The following NTM variants were observed in gnomAD, a reference collection of about 807,000 sequenced individuals.
The protein encoded by NTM is IgLON family member 2.
A neutral mutation model predicts 42.1 loss-of-function variants in NTM; 13 were observed. The ratio of observed to expected loss-of-function variants is 0.31; its 90% CI spans 0.20 to 0.49. The LOEUF (loss-of-function observed/expected upper bound fraction) is 0.49, where lower values mean the gene tolerates loss of function less well. Among genes scored for constraint, NTM ranks in the 20% least tolerant of loss-of-function variants. The pLI is 0.99. For synonymous variants in NTM, 187 were observed against 179.2 expected (o/e 1.04, Z -0.35); for missense variants, 373 against 452.8 (o/e 0.82, Z 1.60).
At chr11:131,866,091 A>G (rs992927016) in intron 1 of NTM, among the ~76,000 whole-genome samples, 7 of 148,122 alleles carry the variant, frequency 4.7e-5, no homozygotes, top group African/African-American at 1.7e-4. Flanking sequence ...CACATGCTAC[A>G]TGCACACACA....
At chr11:131,868,060 T>A (rs2047403160) in intron 1 of NTM, among the ~76,000 whole-genome samples, 1 of 152,144 alleles carries the variant, frequency 6.6e-6, no homozygotes, top group African/African-American at 2.4e-5. Context: ...GAATTGCAGG[T>A]GGAAACTAAA....
chr11:131,801,908 C>T (rs1277272623), intron 1 of NTM, among the ~76,000 whole-genome samples: 1 of 152,164 alleles, frequency 6.6e-6, no homozygotes, highest in Non-Finnish European at 1.5e-5. Flanking sequence ...GCCACCCACA[C>T]AGACCTGGTT....
intron 1 of NTM, among the ~76,000 whole-genome samples, chr11:131,804,544 T>C (rs1172232874): frequency 9.9e-5 from 15 of 152,146 alleles, no homozygotes; most frequent in Admixed American, 9.8e-4. Context: ...CAGCGTTCCT[T>C]TTCCCATCCC....
At chr11:131,396,895 C>A (rs914668614) in intron 1 of NTM, among the ~76,000 whole-genome samples, 50 of 151,988 alleles carry the variant, frequency 3.3e-4, no homozygotes, top group African/African-American at 1.1e-3. Context: ...AGCTGTGCAA[C>A]TCTGGGAAGC....
chr11:131,942,716 T>C (rs775649129), intron 2 of NTM, among the ~76,000 whole-genome samples: 2 of 151,720 alleles, frequency 1.3e-5, no homozygotes, highest in Non-Finnish European at 2.9e-5. Flanking sequence ...GAGGCCGAGG[T>C]GGATGGATCG....
At chr11:131,991,427 A>G (rs964360922) in intron 2 of NTM, among the ~76,000 whole-genome samples, 1 of 152,120 alleles carries the variant, frequency 6.6e-6, no homozygotes, top group Non-Finnish European at 1.5e-5. Context: ...TGATTAAATG[A>G]TTACTTTAGT....
At chr11:132,225,296 C>T (rs1459817120) in intron 4 of NTM, among the ~76,000 whole-genome samples, 6 of 149,830 alleles carry the variant, frequency 4.0e-5, no homozygotes, top group Non-Finnish European at 8.8e-5. Flanking sequence ...AGAGGTAGTG[C>T]CATGGAGAAA....
intron 4 of NTM, among the ~76,000 whole-genome samples, chr11:132,244,850 G>A (rs923966040): frequency 1.3e-5 from 2 of 152,160 alleles, no homozygotes; most frequent in Non-Finnish European, 1.5e-5. Context: ...CTAATGGGGC[G>A]GAGCTAGCTG....
chr11:131,820,346 G>A (rs914033462), intron 1 of NTM, among the ~76,000 whole-genome samples: 5 of 152,150 alleles, frequency 3.3e-5, no homozygotes, highest in African/African-American at 1.2e-4. Context: ...TTCTGGGTAG[G>A]CCTGCTCCAT....
At chr11:131,412,747 A>T (rs1364527431) in intron 1 of NTM, among the ~76,000 whole-genome samples, 1 of 152,308 alleles carries the variant, frequency 6.6e-6, no homozygotes, top group Admixed American at 6.5e-5. Context: ...AGTGGTTTTT[A>T]AAAAATAATA....
intron 1 of NTM, among the ~76,000 whole-genome samples, chr11:131,738,555 A>G (rs2080783433): frequency 6.6e-6 from 1 of 152,212 alleles, no homozygotes; most frequent in Non-Finnish European, 1.5e-5. Flanking sequence ...CAATATTGTG[A>G]GTTCTAGAGG....
At chr11:131,839,835 G>A (rs1179105308) in intron 1 of NTM, among the ~76,000 whole-genome samples, 2 of 152,232 alleles carry the variant, frequency 1.3e-5, no homozygotes, top group Non-Finnish European at 2.9e-5. Flanking sequence ...CCCAGGCCAG[G>A]GTGGTAGCAG....
chr11:132,290,798 C>A (rs1175819493), intron 4 of NTM, among the ~76,000 whole-genome samples: 1 of 152,098 alleles, frequency 6.6e-6, no homozygotes, highest in Non-Finnish European at 1.5e-5. Context: ...GGGGTGCTAT[C>A]CCAGGGGATG....
intron 1 of NTM, among the ~76,000 whole-genome samples, chr11:131,584,074 T>C (rs2058646372): frequency 6.6e-6 from 1 of 152,184 alleles, no homozygotes. Flanking sequence ...GCTGGCATCT[T>C]CCTGGGATCC....
intron 2 of NTM, among the ~76,000 whole-genome samples, chr11:131,933,067 C>T (rs2058812909): frequency 6.6e-6 from 1 of 152,196 alleles, no homozygotes; most frequent in Non-Finnish European, 1.5e-5. Flanking sequence ...CGCCAACTGT[C>T]AGTAATTTAA....
intron 1 of NTM, among the ~76,000 whole-genome samples, chr11:131,650,663 G>T (rs2066366594): frequency 6.6e-6 from 1 of 152,008 alleles, no homozygotes; most frequent in African/African-American, 2.4e-5. Flanking sequence ...ATGTAAGAAG[G>T]GCTCTGTTGA....
intron 4 of NTM, among the ~76,000 whole-genome samples, chr11:132,223,325 G>A (rs547308887): frequency 6.6e-6 from 1 of 152,304 alleles, no homozygotes; most frequent in South Asian, 2.1e-4. Flanking sequence ...TTGCTTTAGG[G>A]TAAGAGGCAA....
intron 2 of NTM, among the ~76,000 whole-genome samples, chr11:132,049,961 A>G (rs1259564394): frequency 2.6e-5 from 4 of 152,108 alleles, no homozygotes. Flanking sequence ...CAGCCTCCTG[A>G]GCAGGTGATT....
chr11:131,911,271 T>TCCGAGGCTGGCAAAAG (rs2054893842), intron 1 of NTM: 3 of 1,422,576 alleles, frequency 2.1e-6, no homozygotes, highest in Admixed American at 2.9e-5. Flanking sequence ...GAACCGGTTT[T>TCCGAGGCTGGCAAAAG]CCGAGGCTGG....
Sources: allele counts gnomAD v4.1 joint callset (sites outside exome capture counted in the v4.1 genomes callset), GRCh38; gene constraint gnomAD v4.1.1; transcripts MANE v1.5; gene names NCBI Gene and HGNC (gene_info 2026-07-23, HGNC 2026-07-21).